The following SBNO1 variants were observed in gnomAD, a reference collection of about 807,000 sequenced individuals.
The protein encoded by SBNO1 is protein strawberry notch homolog 1.
SBNO1 carries 23 observed loss-of-function variants against 173.6 expected under a neutral mutation model. The observed-to-expected ratio is 0.13, with a 90% CI of 0.10 to 0.19. SBNO1 has a LOEUF of 0.19. Among genes scored for constraint, SBNO1 ranks in the 10% least tolerant of loss-of-function variants. The pLI, the probability that SBNO1 is intolerant of heterozygous loss-of-function variation, is 1.00. For missense variants in SBNO1, 1,238 were observed against 1,671.2 expected (o/e 0.74, Z 4.52); for synonymous variants, 632 against 571.5 (o/e 1.11, Z -1.51).
At chr12:123,311,720 C>CTATCTATCTATATA (rs1224940028) in intron 24 of SBNO1, among the ~76,000 whole-genome samples, 70 of 127,434 alleles carry the variant, frequency 5.5e-4, no homozygotes, top group African/African-American at 1.4e-3. Context: ...ATCTATCTAT[C>CTATCTATCTATATA]TATATATATA....
At chr12:123,310,482 T>A (rs1258221169) in intron 25 of SBNO1, among the ~76,000 whole-genome samples, 4 of 152,126 alleles carry the variant, frequency 2.6e-5, no homozygotes, top group Non-Finnish European at 5.9e-5. Context: ...TACGCCTGCC[T>A]CAGCCTCCCA....
chr12:123,346,376 T>G (rs972022550), intron 3 of SBNO1, among the ~76,000 whole-genome samples: 56 of 152,318 alleles, frequency 3.7e-4, no homozygotes, highest in African/African-American at 1.3e-3. Flanking sequence ...ATAAAGAGTC[T>G]ACTATTGGCC....
rs760798352 is a variant in SBNO1, at chr12:123,294,927, A to C, written c.*981T>G. 5 of 152,212 alleles carry C rather than the reference A, an allele frequency of 3.3e-5. No individual in the cohort carries two copies. The highest frequency in any genetic ancestry group is 7.3e-5 in the Non-Finnish European group (5 of 68,054). The allele number at this position is 152,212 out of a possible 1,614,324, so 9.4% of individuals were successfully genotyped here. A position where few individuals can be genotyped will look rare whatever the true frequency, so the allele number is the denominator to read the frequency against. On this transcript the variant is annotated 3_prime_UTR_variant, in exon 32 of 32. Coordinates refer to ENST00000602398, the MANE Select transcript of SBNO1 (RefSeq NM_001167856.3). ...CAGCAGAAGCCTCAAGTGTTTCCTC[A>C]TTGTCTACAACTCAGGTATGGTTTC...
chr12:123,364,743 G>A lies in SBNO1; in HGVS notation c.-43C>T, dbSNP rs1383613040. The A allele has an allele frequency of 3.0e-6, 3 of 987,746 alleles. No individual in the cohort carries two copies. The highest frequency in any genetic ancestry group is 9.1e-5 in the South Asian group (2 of 22,072). The allele number at this position is 987,746 out of a possible 1,614,324, so 61.2% of individuals were successfully genotyped here. A position where few individuals can be genotyped will look rare whatever the true frequency, so the allele number is the denominator to read the frequency against. ...GCGCCAGCACAGCTCCTCCCGGGAG[G>A]TGTGAGTTTGAAGGACCAGAGGCGA... On this transcript the variant is annotated 5_prime_UTR_variant, in exon 1 of 32. Coordinates refer to ENST00000602398, the MANE Select transcript of SBNO1 (RefSeq NM_001167856.3).
At position 123,311,051 on chromosome 12, in the gene SBNO1, G is replaced by A; in HGVS notation, c.3295+4C>T. On this transcript the variant is annotated splice_donor_region_variant and intron_variant, in intron 25 of 31. Transcript: ENST00000602398. ...ATATGCCCACACAAAGCTAATAGTAGTACCTTTATCGAGAGTAAGAATTCC... is the reference window on the plus strand; with the variant it reads ...ATATGCCCACACAAAGCTAATAGTAATACCTTTATCGAGAGTAAGAATTCC... The A allele has an allele frequency of 6.3e-7, 1 of 1,598,414 alleles. No homozygotes were observed. Among genetic ancestry groups the A allele is most frequent in the Non-Finnish European group, 8.6e-7 (1 of 1,165,924 alleles).
At chr12:123,355,081 C>T (rs922618885) in intron 1 of SBNO1, among the ~76,000 whole-genome samples, 4 of 151,768 alleles carry the variant, frequency 2.6e-5, no homozygotes, top group South Asian at 2.1e-4. Flanking sequence ...AGTGCAGTGG[C>T]GCGATCTCAG....
At chr12:123,332,106 C>T (rs1871288595) in intron 7 of SBNO1, among the ~76,000 whole-genome samples, 1 of 152,110 alleles carries the variant, frequency 6.6e-6, no homozygotes, top group African/African-American at 2.4e-5. Flanking sequence ...GCCTTGGCCT[C>T]CCAAAGTGCT....
chr12:123,346,559 G>A (rs1873168878), intron 3 of SBNO1, among the ~76,000 whole-genome samples: 1 of 152,068 alleles, frequency 6.6e-6, no homozygotes, highest in Non-Finnish European at 1.5e-5. Context: ...AGCTACTCGG[G>A]AGGCTGAGGC....
rs2048479545 is a variant in SBNO1 at position 123,289,440 on chromosome 12, CA to C, written c.*6467del. 6.6e-6 allele frequency: 1 copy of C among 152,218 alleles called. No homozygotes were observed. The highest frequency in any genetic ancestry group is 2.1e-4 in the South Asian group (1 of 4,832). 9.4% of individuals were successfully genotyped at this position (152,218 alleles called of 1,614,324 possible). A position where few individuals can be genotyped will look rare whatever the true frequency, so the allele number is the denominator to read the frequency against. On this transcript the variant is annotated 3_prime_UTR_variant, in exon 32 of 32. Coordinates refer to ENST00000602398, the MANE Select transcript of SBNO1 (RefSeq NM_001167856.3). ...GGACACGCTACAACAGGAGCGATAA[CA>C]AAAGGGAGATTTAAAAAAGAGAACC...
chr12:123,331,855 C>CT (rs1341999351), intron 7 of SBNO1, among the ~76,000 whole-genome samples: 1 of 150,934 alleles, frequency 6.6e-6, no homozygotes. Flanking sequence ...TGGATACTTT[C>CT]TTTTTTTTCT....
intron 7 of SBNO1, among the ~76,000 whole-genome samples, chr12:123,332,891 G>A (rs1475684799): frequency 6.6e-6 from 1 of 152,022 alleles, no homozygotes; most frequent in African/African-American, 2.4e-5. Flanking sequence ...TTGGGAGGCC[G>A]AGATGGGTGG....
intron 3 of SBNO1, among the ~76,000 whole-genome samples, chr12:123,346,179 G>A (rs1873111573): frequency 6.6e-6 from 1 of 152,068 alleles, no homozygotes; most frequent in African/African-American, 2.4e-5. Flanking sequence ...TAATTGGGAG[G>A]GTGACACAGG....
intron 24 of SBNO1, among the ~76,000 whole-genome samples, chr12:123,311,720 C>CTATCTATCTATCTATCTATA (rs1224940028): frequency 1.6e-5 from 2 of 127,434 alleles, no homozygotes; most frequent in African/African-American, 6.4e-5. Flanking sequence ...ATCTATCTAT[C>CTATCTATCTATCTATCTATA]TATATATATA....
chr12:123,330,053 G>C (rs1012590323), intron 9 of SBNO1, among the ~76,000 whole-genome samples: 1 of 152,112 alleles, frequency 6.6e-6, no homozygotes, highest in South Asian at 2.1e-4. Flanking sequence ...GTGACCTATA[G>C]TGCAAGGTAT....
At chr12:123,354,387 G>GA (rs1188287473) in intron 1 of SBNO1, among the ~76,000 whole-genome samples, 1 of 152,046 alleles carries the variant, frequency 6.6e-6, no homozygotes, top group African/African-American at 2.4e-5. Flanking sequence ...TAATGAAAGA[G>GA]ATTTTAATCC....
chr12:123,304,662 G>A lies in SBNO1; in HGVS notation c.3688C>T (p.Leu1230Phe), dbSNP rs1205192325. The A allele has an allele frequency of 1.3e-6, 2 of 1,569,866 alleles. No homozygotes were observed. Among genetic ancestry groups the A allele is most frequent in the South Asian group, 2.2e-5 (2 of 89,090 alleles). ...LVKEVNPKKK[L>F]FLVYRPNTGK... ...GTATTTGGTCGATAAACTAAGAAAA[G>A]TTTCTTTTTAGGATTCACTTCTTTA... The change falls in exon 29 of 32, where the codon CTT (leucine) becomes TTT (phenylalanine). Residue 1230 changes from leucine (L) to phenylalanine (F), a missense_variant. This residue lies in a region of SBNO1 where 351 missense variants were observed against 420.3 expected (regional missense o/e 0.84). Coordinates refer to ENST00000602398, the MANE Select transcript of SBNO1 (RefSeq NM_001167856.3).
chr12:123,306,948 C>G (rs887966780), intron 28 of SBNO1, among the ~76,000 whole-genome samples: 1 of 145,476 alleles, frequency 6.9e-6, no homozygotes, highest in Non-Finnish European at 1.5e-5. Context: ...TTTGGGAGGC[C>G]GAGGTGGGAG....
At chr12:123,353,334 G>A (rs1241132437) in intron 1 of SBNO1, among the ~76,000 whole-genome samples, 4 of 152,136 alleles carry the variant, frequency 2.6e-5, no homozygotes, top group African/African-American at 9.7e-5. Flanking sequence ...ACTCACGCAG[G>A]AAGTGGTAGA....
At chr12:123,347,864 G>A (rs1265971003) in intron 3 of SBNO1, among the ~76,000 whole-genome samples, 165 bp downstream of exon 3, 1 of 152,008 alleles carries the variant, frequency 6.6e-6, no homozygotes, top group East Asian at 1.9e-4. Flanking sequence ...ATGGGGTCCT[G>A]CCATTTTGCT....
Sources: gnomAD v4.1 joint callset for allele counts (sites outside exome capture counted in the v4.1 genomes callset) on GRCh38, gnomAD v4.1.1 for gene constraint, gnomAD v4.1.1 regional missense constraint, MANE v1.5 for transcripts, NCBI Gene and HGNC (gene_info 2026-07-23, HGNC 2026-07-21) for gene names.